Variants in PSAT1 observed in about 807,000 individuals in gnomAD.
PSAT1 encodes phosphoserine aminotransferase.
Under a neutral mutation model 40.3 loss-of-function variants are expected in PSAT1, and 41 were observed. The observed-to-expected ratio is 1.02, with a 90% CI of 0.79 to 1.32. The LOEUF (loss-of-function observed/expected upper bound fraction) is 1.32, where lower values mean the gene tolerates loss of function less well. Ranked by LOEUF, PSAT1 falls within the 40% of genes most tolerant of loss-of-function variation. The pLI is 0.00. For missense variants in PSAT1, 406 were observed against 455.8 expected (o/e 0.89, Z 0.99); for synonymous variants, 147 against 170.5 (o/e 0.86, Z 1.07).
intron 7 of PSAT1, among the ~76,000 whole-genome samples, chr9:78,326,151 T>G (rs993442338): frequency 2.6e-5 from 4 of 152,170 alleles, no homozygotes; most frequent in African/African-American, 9.7e-5. Flanking sequence ...CTTGAAGCTG[T>G]GTACTAGACT....
At chr9:78,318,098 C>T (rs1428317826) in intron 7 of PSAT1, among the ~76,000 whole-genome samples, 1 of 152,090 alleles carries the variant, frequency 6.6e-6, no homozygotes, top group Non-Finnish European at 1.5e-5. Context: ...GGGTAGGTCC[C>T]GTCTACTCCC....
chr9:78,327,532 G>A (rs1828518581), intron 7 of PSAT1, among the ~76,000 whole-genome samples: 2 of 152,174 alleles, frequency 1.3e-5, no homozygotes, highest in East Asian at 1.9e-4. Context: ...AGATGAGGAA[G>A]GTGAGGCATA....
intron 1 of PSAT1, among the ~76,000 whole-genome samples, chr9:78,298,720 T>TG (rs1564011406): frequency 6.6e-6 from 1 of 152,130 alleles, no homozygotes. Context: ...GCATGTAACC[T>TG]GGGGGGCAGG....
chr9:78,299,703 G>A (rs1828080347), intron 1 of PSAT1, among the ~76,000 whole-genome samples: 1 of 151,752 alleles, frequency 6.6e-6, no homozygotes, highest in African/African-American at 2.4e-5. Flanking sequence ...AGTAGAGACG[G>A]GGTTTCACCA....
At chr9:78,317,872 C>A in intron 7 of PSAT1, 68 bp downstream of exon 7, 1 of 1,544,542 alleles carries the variant, frequency 6.5e-7, no homozygotes, top group Non-Finnish European at 8.9e-7. Context: ...TACTGTGTAC[C>A]TTTGAAAAGT....
chr9:78,297,201 C>A lies in PSAT1; in HGVS notation c.-10C>A, dbSNP rs746298795. The A allele has an allele frequency of 1.3e-6, 2 of 1,596,100 alleles. No homozygotes were observed. Among genetic ancestry groups the A allele is most frequent in the Admixed American group, 3.4e-5 (2 of 58,748 alleles). ...CTCCTTGGCTGACTCACCGCCCTGG[C>A]CGCCGCACCATGGACGCCCCCAGGC... On this transcript the variant is annotated 5_prime_UTR_variant, in exon 1 of 9. Coordinates refer to ENST00000376588, the MANE Select transcript of PSAT1 (RefSeq NM_058179.4).
chr9:78,299,575 T>C (rs1180276018), intron 1 of PSAT1, among the ~76,000 whole-genome samples: 1 of 143,992 alleles, frequency 6.9e-6, no homozygotes, highest in Non-Finnish European at 1.5e-5. Flanking sequence ...TGCAGTCGCT[T>C]GGTCTCGGCT....
At chr9:78,309,887 C>T (rs1828241292) in intron 6 of PSAT1, among the ~76,000 whole-genome samples, 1 of 152,188 alleles carries the variant, frequency 6.6e-6, no homozygotes, top group Non-Finnish European at 1.5e-5. Context: ...TTAGGCAAGT[C>T]ACTTAACATG....
At chr9:78,317,861 A>G (rs1002695638) in intron 7 of PSAT1, 57 bp downstream of exon 7, 11 of 1,570,914 alleles carry the variant, frequency 7.0e-6, no homozygotes, top group East Asian at 2.2e-5. Flanking sequence ...AACTGTGTAT[A>G]TACTGTGTAC....
At chr9:78,298,926 T>C (rs1359574372) in intron 1 of PSAT1, among the ~76,000 whole-genome samples, 1 of 152,112 alleles carries the variant, frequency 6.6e-6, no homozygotes, top group Non-Finnish European at 1.5e-5. Flanking sequence ...TAATTACCTG[T>C]GACATACACT....
chr9:78,300,586 C>CT lies in PSAT1; in HGVS notation c.61-13dup. 6.2e-7 allele frequency: 1 copy of CT among 1,606,198 alleles called. No homozygotes were observed. Among genetic ancestry groups the CT allele is most frequent in the South Asian group, 1.1e-5 (1 of 89,444 alleles). On this transcript the variant is annotated splice_polypyrimidine_tract_variant and intron_variant, in intron 1 of 8. Transcript: ENST00000376588. Reference sequence around the variant, plus strand: ...AACATATTTAAATAACCCTATTTTCCTTTATTTTTTTCTAGGTGTTGTTAG... The same window carrying CT: ...AACATATTTAAATAACCCTATTTTCCTTTTATTTTTTTCTAGGTGTTGTTAG...
chr9:78,322,369 G>A (rs542114799), intron 7 of PSAT1, among the ~76,000 whole-genome samples: 22 of 152,258 alleles, frequency 1.4e-4, no homozygotes, highest in Admixed American at 1.1e-3. Context: ...TAGACATTGA[G>A]CCTATGCAGC....
chr9:78,328,006 C>T lies in PSAT1; in HGVS notation c.870-45C>T, dbSNP rs1411523498. On this transcript the variant is annotated intron_variant, in intron 7 of 8. Transcript: ENST00000376588. ...ATCTGTTGATTTGTTTATGACAACC[C>T]ATACATTTCAGAAAAGTAGCTGGAA... The T allele has an allele frequency of 1.0e-5, 16 of 1,590,186 alleles. No homozygotes were observed. The Middle Eastern group carries it at 2.1e-3, about 204-fold the overall frequency.
rs1306023778 is a variant in PSAT1, at chr9:78,317,669, A to AT, written c.741-3dup. Reference sequence around the variant, plus strand: ...CTAAACGGATTTTTTAAAAATCTTCATTTTAGCATCTACGTCATGGGCTTG... The same window carrying AT: ...CTAAACGGATTTTTTAAAAATCTTCATTTTTAGCATCTACGTCATGGGCTTG... On this transcript the variant is annotated splice_polypyrimidine_tract_variant and splice_region_variant and intron_variant, in intron 6 of 8. Transcript: ENST00000376588. 1 of 1,613,106 alleles carries AT rather than the reference A, an allele frequency of 6.2e-7. No individual in the cohort carries two copies. Among genetic ancestry groups the AT allele is most frequent in the Non-Finnish European group, 8.5e-7 (1 of 1,179,746 alleles).
chr9:78,328,313 C>G, intron 8 of PSAT1, 125 bp downstream of exon 8: 2 of 1,165,686 alleles, frequency 1.7e-6, no homozygotes, highest in South Asian at 2.6e-5. Context: ...TTGGGCCAAC[C>G]CAGCTGTTAT....
intron 6 of PSAT1, 141 bp from the exon 7 acceptor site, chr9:78,317,535 G>A (rs1036810717): frequency 1.1e-5 from 12 of 1,050,656 alleles, no homozygotes; most frequent in African/African-American, 6.3e-5. Flanking sequence ...ACGGGCGTGA[G>A]CCACTGCATT....
At chr9:78,307,622 C>T (rs1828204168) in intron 5 of PSAT1, among the ~76,000 whole-genome samples, 1 of 152,226 alleles carries the variant, frequency 6.6e-6, no homozygotes, top group Non-Finnish European at 1.5e-5. Flanking sequence ...CCTAAAGTAC[C>T]TTTAAGCCTC....
intron 3 of PSAT1, among the ~76,000 whole-genome samples, chr9:78,304,500 G>A (rs1352463361): frequency 6.6e-6 from 1 of 152,194 alleles, no homozygotes; most frequent in Non-Finnish European, 1.5e-5. Flanking sequence ...AAGAAGAGGA[G>A]GAAGAGCTTC....
intron 8 of PSAT1, 92 bp downstream of exon 8, chr9:78,328,280 T>C: frequency 3.3e-6 from 5 of 1,513,386 alleles, no homozygotes; most frequent in Non-Finnish European, 4.6e-6. Context: ...CTGCTTAGCT[T>C]GGAGTAGCAG....
Sources: gnomAD v4.1 joint callset for allele counts (sites outside exome capture counted in the v4.1 genomes callset) on GRCh38, gnomAD v4.1.1 for gene constraint, MANE v1.5 for transcripts, NCBI Gene and HGNC (gene_info 2026-07-23, HGNC 2026-07-21) for gene names.